Variants in CPD observed in about 807,000 individuals in gnomAD.
CPD encodes the protein metallocarboxypeptidase D.
A neutral mutation model predicts 138.3 loss-of-function variants in CPD; 69 were observed. That is an observed-to-expected ratio of 0.50 (90% CI 0.41 to 0.61). The LOEUF (loss-of-function observed/expected upper bound fraction) is 0.61, where lower values mean the gene tolerates loss of function less well. Among genes scored for constraint, CPD ranks in the 20% least tolerant of loss-of-function variants. CPD has a pLI of 0.00. For synonymous variants in CPD, 651 were observed against 642.1 expected, an observed-to-expected ratio of 1.01 and a Z score of -0.21; for missense variants, 1,432 against 1,733.3, an observed-to-expected ratio of 0.83 and a Z score of 3.09.
chr17:30,456,846 CAAAAAAAAAAAA>C (rs11353479), intron 17 of CPD: 50 of 66,844 alleles, frequency 7.5e-4, no homozygotes, highest in Admixed American at 9.2e-4. Flanking sequence ...GATTCCATCT[CAAAAAAAAAAAA>C]AAAAAAAAAA....
intron 11 of CPD, among the ~76,000 whole-genome samples, chr17:30,444,329 T>C (rs1391741150): frequency 6.6e-6 from 1 of 152,092 alleles, no homozygotes; most frequent in African/African-American, 2.4e-5. Context: ...CTACAGTCAG[T>C]TCCAATTCAT....
chr17:30,417,244 A>G (rs116913103), intron 2 of CPD, among the ~76,000 whole-genome samples: 3,020 of 152,276 alleles, frequency 0.02, 43 homozygotes, highest in Non-Finnish European at 0.03. Context: ...TTTTAAAAGA[A>G]TGTTACGAGA....
intron 10 of CPD, among the ~76,000 whole-genome samples, chr17:30,443,331 C>T (rs1458411000): frequency 6.6e-6 from 1 of 152,072 alleles, no homozygotes; most frequent in East Asian, 1.9e-4. Flanking sequence ...CCTAATATTA[C>T]CTAATACTTA....
Position 30,427,541 on chromosome 17 carries a change from C to G in CPD, c.2000C>G (p.Ser667Ter). The G allele has an allele frequency of 6.2e-7, 1 of 1,613,982 alleles. No homozygotes were observed. The highest frequency in any genetic ancestry group is 8.5e-7 in the Non-Finnish European group (1 of 1,179,896). ...ATGAAGTCCTATCCATTTGTACTTT[C>G]AGCAAACCTGCATGGAGGTATGGCA... ...SWMKSYPFVL[S>*]ANLHGGSLVV... Residue 667 changes from serine (S) to a stop codon, truncating the protein, a stop_gained, in exon 7 of 21, where the codon TCA becomes TGA. Coordinates refer to ENST00000225719, the MANE Select transcript of CPD (RefSeq NM_001304.5). LOFTEE classifies it high-confidence loss of function.
intron 2 of CPD, among the ~76,000 whole-genome samples, chr17:30,420,525 G>T (rs1289606594): frequency 6.6e-6 from 1 of 152,100 alleles, no homozygotes; most frequent in East Asian, 1.9e-4. Context: ...CTTAGAACAG[G>T]TCTGGTGTAT....
chr17:30,439,394 C>CTTTTTTTTTTTTTTTTTTTTT (rs71138889), intron 9 of CPD, among the ~76,000 whole-genome samples: 13 of 124,658 alleles, frequency 1.0e-4, no homozygotes, highest in Admixed American at 2.5e-4. Context: ...ACGTTACTTT[C>CTTTTTTTTTTTTTTTTTTTTT]TTTTTTTTTT....
At position 30,385,318 on chromosome 17, in the gene CPD, A is replaced by G. The variant is rs1454497399; in HGVS notation, c.994+82A>G. On this transcript the variant is annotated intron_variant, in intron 2 of 20. Transcript: ENST00000225719. ...GTGTATTCTGAGCAAAAAAGAAGAA[A>G]CTCTGTAGAAATCTAACTTTAAAAG... is the stretch of plus-strand genomic sequence containing the variant. 10 of 1,456,406 alleles carry G rather than the reference A, an allele frequency of 6.9e-6. No homozygotes were observed. In the South Asian group the frequency reaches 1.4e-4, roughly 20 times the overall value. 90.2% of individuals were successfully genotyped at this position (1,456,406 alleles called of 1,614,324 possible).
chr17:30,409,251 C>A (rs542908387), intron 2 of CPD, among the ~76,000 whole-genome samples: 2 of 152,212 alleles, frequency 1.3e-5, no homozygotes, highest in Admixed American at 6.5e-5. Context: ...CTTCTGGATT[C>A]GGTTTTCCAT....
At chr17:30,398,962 A>G (rs1274986403) in intron 2 of CPD, among the ~76,000 whole-genome samples, 1 of 151,914 alleles carries the variant, frequency 6.6e-6, no homozygotes, top group Non-Finnish European at 1.5e-5. Flanking sequence ...CTTATGAAAT[A>G]AAAATTAGTT....
At chr17:30,435,687 C>A (rs1912680745) in intron 8 of CPD, among the ~76,000 whole-genome samples, 1 of 152,044 alleles carries the variant, frequency 6.6e-6, no homozygotes, top group African/African-American at 2.4e-5. Context: ...CAAAAAAAAA[C>A]TGTATTTGTT....
In CPD at chr17:30,393,931, A is replaced by G. The variant is rs543797461; in HGVS notation, c.994+8695A>G. On this transcript the variant is annotated intron_variant, in intron 2 of 20. Transcript: ENST00000225719. Reference sequence around the variant, plus strand: ...TGAAGTAGGAGGATTGCTTGAGGCCAGGAGTTTAAGACCTGGGCAACTGGT... The same window carrying G: ...TGAAGTAGGAGGATTGCTTGAGGCCGGGAGTTTAAGACCTGGGCAACTGGT... Among the ~76,000 whole-genome samples the G allele has an allele frequency of 4.6e-5, 7 of 152,216 alleles. No individual in the cohort carries two copies. In the East Asian group the frequency reaches 9.6e-4, roughly 21 times the overall value.
At chr17:30,462,689 C>A (rs745429049) in intron 20 of CPD, among the ~76,000 whole-genome samples, 1 of 151,992 alleles carries the variant, frequency 6.6e-6, no homozygotes, top group Non-Finnish European at 1.5e-5. Flanking sequence ...CCTAACCCAG[C>A]GGTGCTAGAG....
rs371151229 is a variant in CPD, at chr17:30,420,919, C to G, written c.1073C>G (p.Pro358Arg). The G allele has an allele frequency of 1.2e-6, 2 of 1,613,754 alleles. No individual in the cohort carries two copies. The highest frequency in any genetic ancestry group is 1.7e-5 in the Admixed American group (1 of 60,020). ...TLELSCCKYP[P>R]ASQLRQEWEN... ...GAACTGTCTTGTTGCAAGTACCCAC[C>G]TGCTTCACAGCTTCGACAGGAATGG... Residue 358 changes from proline (P) to arginine (R), a missense_variant, in exon 3 of 21, where the codon CCT (proline) becomes CGT (arginine). Transcript: ENST00000225719.
At chr17:30,388,659 G>C (rs1460473942) in intron 2 of CPD, among the ~76,000 whole-genome samples, 1 of 152,202 alleles carries the variant, frequency 6.6e-6, no homozygotes, top group Non-Finnish European at 1.5e-5. Context: ...CGCAGCTGCT[G>C]CCAGCTCCCA....
chr17:30,444,338 A>G lies in CPD; in HGVS notation c.2543+367A>G, dbSNP rs2016414. Among the ~76,000 whole-genome samples the G allele has an allele frequency of 2.5e-3, 374 of 152,208 alleles. 1 individual carries two copies. Among genetic ancestry groups the G allele is most frequent in the African/African-American group, 8.6e-3 (357 of 41,530 alleles). ...GTAATTCTACAGTCAGTTCCAATTC[A>G]TAGTAGAATTTATTGGAAATGTGTT... On this transcript the variant is annotated intron_variant, in intron 11 of 20. Transcript: ENST00000225719.
At chr17:30,432,303 A>G (rs1912584792) in intron 8 of CPD, among the ~76,000 whole-genome samples, 1 of 152,180 alleles carries the variant, frequency 6.6e-6, no homozygotes, top group African/African-American at 2.4e-5. Context: ...CTCCTTCAAC[A>G]TTTCAAAGTA....
intron 17 of CPD, among the ~76,000 whole-genome samples, chr17:30,459,856 G>C (rs1913421239): frequency 6.6e-6 from 1 of 152,194 alleles, no homozygotes; most frequent in Non-Finnish European, 1.5e-5. Context: ...GTTGTTAGCA[G>C]ATGGGTGGTT....
intron 2 of CPD, 30 bp downstream of exon 2, chr17:30,385,266 T>C: frequency 1.2e-6 from 2 of 1,608,242 alleles, no homozygotes; most frequent in Non-Finnish European, 1.7e-6. Flanking sequence ...TGCTACATTT[T>C]CCCCCTTGTT....
Position 30,461,994 on chromosome 17 carries a change from G to T in CPD, c.3748G>T (p.Val1250Leu). 6.2e-7 allele frequency: 1 copy of T among 1,613,964 alleles called. No homozygotes were observed. The highest frequency in any genetic ancestry group is 8.5e-7 in the Non-Finnish European group (1 of 1,179,900). Reference protein sequence around the residue: ...VQTKEGGYFHVLLAPGVHNII... With the variant: ...VQTKEGGYFHLLLAPGVHNII... ...AACAAAAGAGGGAGGTTATTTCCATGTACTCTTAGCGCCAGGTGTCCATAA... is the reference window on the plus strand; with the variant it reads ...AACAAAAGAGGGAGGTTATTTCCATTTACTCTTAGCGCCAGGTGTCCATAA... Residue 1250 changes from valine to leucine, a missense_variant, in exon 19 of 21, where the codon GTA becomes TTA. Around this residue, in one of 6 missense-constraint regions of CPD, gnomAD observed 366 missense variants for 518.8 expected, o/e 0.71. Coordinates refer to ENST00000225719, the MANE Select transcript of CPD (RefSeq NM_001304.5).
Sources: gnomAD v4.1 joint callset for allele counts (sites outside exome capture counted in the v4.1 genomes callset) on GRCh38, gnomAD v4.1.1 for gene constraint, gnomAD v4.1.1 regional missense constraint, MANE v1.5 for transcripts, NCBI Gene and HGNC (gene_info 2026-07-23, HGNC 2026-07-21) for gene names.